RALYL: variants seen among roughly 807,000 people sequenced by gnomAD.
RALYL encodes the protein RNA-binding Raly-like protein.
A neutral mutation model predicts 35.1 loss-of-function variants in RALYL; 29 were observed. The observed-to-expected ratio is 0.83, with a 90% CI of 0.61 to 1.13. The LOEUF (loss-of-function observed/expected upper bound fraction) is 1.13. Ranked by LOEUF, RALYL falls within the 50% of genes most tolerant of loss-of-function variation. RALYL has a pLI of 0.00. For missense variants in RALYL, 359 were observed against 360.4 expected (o/e 1.00, Z 0.03); for synonymous variants, 120 against 127.6 (o/e 0.94, Z 0.40).
intron 4 of RALYL, among the ~76,000 whole-genome samples, chr8:84,824,348 A>G (rs192557966): frequency 6.6e-6 from 1 of 152,322 alleles, no homozygotes; most frequent in East Asian, 1.9e-4. Flanking sequence ...ACACTGTTCA[A>G]AGAAATCATA....
chr8:84,220,276 C>A (rs1586285100), intron 1 of RALYL, among the ~76,000 whole-genome samples: 1 of 151,968 alleles, frequency 6.6e-6, no homozygotes, highest in East Asian at 1.9e-4. Flanking sequence ...TTTATATATT[C>A]AATAACTTGC....
At chr8:84,279,375 T>C (rs1563659034) in intron 1 of RALYL, among the ~76,000 whole-genome samples, 1 of 152,172 alleles carries the variant, frequency 6.6e-6, no homozygotes, top group Non-Finnish European at 1.5e-5. Flanking sequence ...GATAGGTAAG[T>C]TTGATGTCCA....
intron 7 of RALYL, 31 bp from the exon 8 acceptor site, chr8:84,887,573 G>A (rs185300009): frequency 1.9e-6 from 3 of 1,579,104 alleles, no homozygotes; most frequent in East Asian, 2.3e-5. Context: ...GCAACCCAAG[G>A]TAGTAGTCAT....
intron 4 of RALYL, among the ~76,000 whole-genome samples, chr8:84,841,791 A>G (rs1474350908): frequency 2.0e-5 from 3 of 152,234 alleles, no homozygotes; most frequent in African/African-American, 7.2e-5. Flanking sequence ...GTGCAATCAA[A>G]CTAGAACTCA....
At chr8:84,428,948 A>G (rs566819483) in intron 1 of RALYL, among the ~76,000 whole-genome samples, 1 of 152,150 alleles carries the variant, frequency 6.6e-6, no homozygotes, top group African/African-American at 2.4e-5. Context: ...TGCATATTCA[A>G]TTTTTCTTTA....
chr8:84,325,431 A>G (rs1486157205), intron 1 of RALYL, among the ~76,000 whole-genome samples: 1 of 152,202 alleles, frequency 6.6e-6, no homozygotes, highest in Non-Finnish European at 1.5e-5. Context: ...GATGTACTCA[A>G]CGCCTCTGGA....
At chr8:84,536,189 G>A (rs1300190003) in intron 2 of RALYL, among the ~76,000 whole-genome samples, 2 of 151,960 alleles carry the variant, frequency 1.3e-5, no homozygotes, top group African/African-American at 2.4e-5. Context: ...ATTTTTCTCC[G>A]TTAGATCCCT....
At chr8:84,222,849 G>A (rs1202947264) in intron 1 of RALYL, among the ~76,000 whole-genome samples, 2 of 152,098 alleles carry the variant, frequency 1.3e-5, no homozygotes. Flanking sequence ...TGAGAGTGGT[G>A]TGATTGGTCT....
chr8:84,233,285 C>A (rs1008560143), intron 1 of RALYL, among the ~76,000 whole-genome samples: 1 of 152,152 alleles, frequency 6.6e-6, no homozygotes, highest in Non-Finnish European at 1.5e-5. Context: ...CCTATATTTA[C>A]ATTTTATATG....
At chr8:84,476,482 T>C (rs1227708595) in intron 1 of RALYL, among the ~76,000 whole-genome samples, 1 of 152,210 alleles carries the variant, frequency 6.6e-6, no homozygotes, top group Non-Finnish European at 1.5e-5. Flanking sequence ...TTGCTGCTAC[T>C]TCAGCTCTTA....
Position 84,471,444 on chromosome 8 carries a change from C to A in RALYL, c.-23-57855C>A, listed in dbSNP as rs1250102973. Among the ~76,000 whole-genome samples the A allele has an allele frequency of 4.8e-5, 7 of 147,218 alleles. No homozygotes were observed. In the East Asian group the frequency reaches 1.2e-3, roughly 25 times the overall value. ...CACAAATTAAAAAAAAAAAAAAAAA[C>A]TTAGCTGAGTGTGGTGTTGTACACA... is the stretch of plus-strand genomic sequence containing the variant. On this transcript the variant is annotated intron_variant, in intron 1 of 8. Coordinates refer to ENST00000521268, the MANE Select transcript of RALYL (RefSeq NM_173848.7).
intron 1 of RALYL, among the ~76,000 whole-genome samples, chr8:84,351,924 T>G (rs1222721087): frequency 6.7e-6 from 1 of 149,740 alleles, no homozygotes; most frequent in Non-Finnish European, 1.5e-5. Context: ...GGGATGGGAG[T>G]TAGAGTTTGT....
chr8:84,321,032 G>T (rs918859761), intron 1 of RALYL, among the ~76,000 whole-genome samples: 3 of 152,066 alleles, frequency 2.0e-5, no homozygotes, highest in Non-Finnish European at 4.4e-5. Flanking sequence ...AATGTCAGGG[G>T]TTAGGGGAGA....
chr8:84,574,042 G>A lies in RALYL; in HGVS notation c.256+44465G>A, dbSNP rs193212149. On this transcript the variant is annotated intron_variant, in intron 2 of 8. Transcript: ENST00000521268. ...GTCTGTTAAGCTTTAATTGGATACC[G>A]GACCTTATAAATTTATGTTGATGTC... Among the ~76,000 whole-genome samples, 283 of 151,786 alleles carry A rather than the reference G, an allele frequency of 1.9e-3. 1 individual carries two copies. Among genetic ancestry groups the A allele is most frequent in the African/African-American group, 6.5e-3 (271 of 41,462 alleles).
intron 2 of RALYL, among the ~76,000 whole-genome samples, chr8:84,740,499 A>G (rs1299557283): frequency 6.6e-6 from 1 of 152,040 alleles, no homozygotes; most frequent in Non-Finnish European, 1.5e-5. Context: ...AAAGTCAGTC[A>G]TTTAAAGGTA....
chr8:84,387,564 T>A (rs533096444), intron 1 of RALYL, among the ~76,000 whole-genome samples: 3 of 152,022 alleles, frequency 2.0e-5, no homozygotes, highest in South Asian at 2.1e-4. Flanking sequence ...TTTTTAAGTA[T>A]CTCTCAGTAA....
At chr8:84,678,134 A>T (rs989779958) in intron 2 of RALYL, among the ~76,000 whole-genome samples, 2 of 152,086 alleles carry the variant, frequency 1.3e-5, no homozygotes, top group African/African-American at 4.8e-5. Flanking sequence ...TTCACCCTTT[A>T]TTTTTTAACA....
At chr8:84,436,167 T>C (rs762063088) in intron 1 of RALYL, among the ~76,000 whole-genome samples, 4 of 152,074 alleles carry the variant, frequency 2.6e-5, no homozygotes, top group Non-Finnish European at 5.9e-5. Context: ...TTGAAGAAGA[T>C]TAAATATTAT....
chr8:84,735,779 A>T (rs1017792099), intron 2 of RALYL, among the ~76,000 whole-genome samples: 1 of 150,960 alleles, frequency 6.6e-6, no homozygotes, highest in Non-Finnish European at 1.5e-5. Flanking sequence ...TGGGTAAAAA[A>T]CATGCCCCAT....
Sources: gnomAD v4.1 joint callset for allele counts (sites outside exome capture counted in the v4.1 genomes callset) on GRCh38, gnomAD v4.1.1 for gene constraint, MANE v1.5 for transcripts, NCBI Gene and HGNC (gene_info 2026-07-23, HGNC 2026-07-21) for gene names.